The following PHAX variants were observed in gnomAD, a reference collection of about 807,000 sequenced individuals.
PHAX encodes the protein phosphorylated adaptor for RNA export, also known as phosphorylated adapter RNA export protein.
Under a neutral mutation model 41.6 loss-of-function variants are expected in PHAX, and 31 were observed. That is an observed-to-expected ratio of 0.75 (90% CI 0.56 to 1.01). PHAX has a LOEUF of 1.01. PHAX is among the 50% of genes least tolerant of loss of function. The pLI, the probability that PHAX is intolerant of heterozygous loss-of-function variation, is 0.00. For synonymous variants in PHAX, 175 were observed against 164.9 expected (o/e 1.06, Z -0.47); for missense variants, 453 against 472.9 (o/e 0.96, Z 0.39).
intron 3 of PHAX, among the ~76,000 whole-genome samples, chr5:126,608,895 C>T (rs1160439147): frequency 6.6e-6 from 1 of 151,040 alleles, no homozygotes; most frequent in African/African-American, 2.4e-5. Flanking sequence ...TGAGATCGCA[C>T]CCTTGCACTC....
chr5:126,624,004 T>G (rs1752310107), intron 4 of PHAX, among the ~76,000 whole-genome samples: 2 of 146,312 alleles, frequency 1.4e-5, no homozygotes, highest in African/African-American at 2.7e-5. Context: ...TGGTTTGGTT[T>G]TGGGTTTTTT....
In PHAX at chr5:126,624,969, T is replaced by G. The variant is rs573448495; in HGVS notation, c.*125T>G. On this transcript the variant is annotated 3_prime_UTR_variant, in exon 5 of 5. Coordinates refer to ENST00000297540, the MANE Select transcript of PHAX (RefSeq NM_032177.4). ...ATCTGGAGGAAAGACAATTGTTTTC[T>G]TGTTTAAAATATGTGTGGAAAGGAA... is the stretch of plus-strand genomic sequence containing the variant. 1.7e-3 allele frequency: 1,378 copies of G among 832,948 alleles called. 6 individuals are homozygous for G. The highest frequency in any genetic ancestry group is 2.2e-3 in the Non-Finnish European group (1,205 of 542,380). 51.6% of individuals were successfully genotyped at this position (832,948 alleles called of 1,614,324 possible). A position where few individuals can be genotyped will look rare whatever the true frequency, so the allele number is the denominator to read the frequency against.
intron 4 of PHAX, 76 bp downstream of exon 4, chr5:126,617,409 G>A (rs1048317234): frequency 1.3e-6 from 1 of 770,698 alleles, no homozygotes; most frequent in East Asian, 2.6e-5. Context: ...ATTTTCTATG[G>A]ATATGCATTA....
At chr5:126,616,880 C>CA (rs35808274) in intron 3 of PHAX, among the ~76,000 whole-genome samples, 1,224 of 91,054 alleles carry the variant, frequency 0.013, 4 homozygotes, top group East Asian at 0.018. Context: ...AACTCCATCT[C>CA]AAAAAAAAAA....
intron 3 of PHAX, among the ~76,000 whole-genome samples, chr5:126,611,650 G>A (rs1478870576): frequency 6.6e-6 from 1 of 152,002 alleles, no homozygotes; most frequent in Non-Finnish European, 1.5e-5. Flanking sequence ...TATTAGCCAG[G>A]CTTGGTGGCA....
At chr5:126,610,792 C>T (rs759156982) in intron 3 of PHAX, among the ~76,000 whole-genome samples, 4 of 151,230 alleles carry the variant, frequency 2.6e-5, no homozygotes, top group Non-Finnish European at 5.9e-5. Flanking sequence ...CTGTATCCTC[C>T]ACCTCCCAGG....
chr5:126,617,001 A>AT (rs1033159854), intron 3 of PHAX, among the ~76,000 whole-genome samples: 1 of 152,036 alleles, frequency 6.6e-6, no homozygotes, highest in Non-Finnish European at 1.5e-5. Context: ...TACCATATAG[A>AT]TTTTTTAAAT....
chr5:126,603,609 A>G lies in PHAX; in HGVS notation c.136A>G (p.Asn46Asp), dbSNP rs1399024823. ...GGDSAMRAFQ[N>D]TATACAPVSH... ...CGACAGTGCTATGAGGGCCTTCCAG[A>G]ACACGGCAACTGCATGTGCACCAGT... Residue 46 changes from asparagine to aspartate, a missense_variant, in exon 2 of 5, where the codon AAC (asparagine) becomes GAC (aspartate). Physicochemically the swap from Asn to Asp is conservative, Grantham distance 23. Transcript: ENST00000297540. 3.7e-6 allele frequency: 6 copies of G among 1,613,946 alleles called. No individual in the cohort carries two copies. Among genetic ancestry groups the G allele is most frequent in the Non-Finnish European group, 5.1e-6 (6 of 1,179,898 alleles).
rs1368036319 is a variant in PHAX at position 126,608,939 on chromosome 5, A to C, written c.831+455A>C. Among the ~76,000 whole-genome samples the C allele has an allele frequency of 3.6e-5, 5 of 137,816 alleles. No homozygotes were observed. In the East Asian group the frequency reaches 1.1e-3, roughly 29 times the overall value. 90.4% of individuals were successfully genotyped at this position (137,816 alleles called of 152,430 possible). A position where few individuals can be genotyped will look rare whatever the true frequency, so the allele number is the denominator to read the frequency against. On this transcript the variant is annotated intron_variant, in intron 3 of 4. Coordinates refer to ENST00000297540, the MANE Select transcript of PHAX (RefSeq NM_032177.4). Reference sequence around the variant, plus strand: ...GCAACAGGAGCGAAACTCCGTCTCAAAAAAAAAAAGAATAAAAAGAAAAAA... The same window carrying C: ...GCAACAGGAGCGAAACTCCGTCTCACAAAAAAAAAGAATAAAAAGAAAAAA...
At chr5:126,604,228 A>C in intron 2 of PHAX, 45 bp downstream of exon 2, 1 of 1,421,374 alleles carries the variant, frequency 7.0e-7, no homozygotes, top group Non-Finnish European at 9.4e-7. Flanking sequence ...GATGGCTTCT[A>C]TTTACAGGAA....
intron 3 of PHAX, among the ~76,000 whole-genome samples, chr5:126,612,874 G>T (rs1479056756): frequency 6.6e-6 from 1 of 152,154 alleles, no homozygotes; most frequent in African/African-American, 2.4e-5. Context: ...ACGGCCAACA[G>T]AATTTCCTAG....
intron 3 of PHAX, among the ~76,000 whole-genome samples, chr5:126,609,712 C>CA (rs11349093): frequency 0.014 from 1,834 of 135,566 alleles, 24 homozygotes; most frequent in African/African-American, 0.04. Flanking sequence ...AAAAAGAGGG[C>CA]AAAAAAAAAA....
intron 4 of PHAX, among the ~76,000 whole-genome samples, chr5:126,618,463 G>T (rs1313682543): frequency 6.6e-6 from 1 of 151,774 alleles, no homozygotes. Flanking sequence ...ACTCCTAAGA[G>T]AAATAAAAAC....
chr5:126,606,831 A>G (rs1444531733), intron 2 of PHAX, among the ~76,000 whole-genome samples: 28 of 149,318 alleles, frequency 1.9e-4, no homozygotes, highest in Admixed American at 1.8e-3. Context: ...TTTTTTTTGT[A>G]TTTTTAGTAG....
intron 2 of PHAX, among the ~76,000 whole-genome samples, chr5:126,606,104 T>A (rs1751983205): frequency 6.6e-6 from 1 of 152,206 alleles, no homozygotes; most frequent in South Asian, 2.1e-4. Flanking sequence ...TGTCATGTAG[T>A]ATGTAATCTC....
intron 4 of PHAX, among the ~76,000 whole-genome samples, chr5:126,623,893 A>G (rs544917167): frequency 1.3e-5 from 2 of 152,036 alleles, no homozygotes; most frequent in South Asian, 4.2e-4. Flanking sequence ...TGCCTACACT[A>G]GCTTCTTTTT....
Position 126,624,555 on chromosome 5 carries a change from A to C in PHAX, c.916-20A>C. ...ATAACGTGGTAGTTCTTGTTTACTAACTTTGTTCCTTTATTACAGGACATT... is the reference window on the plus strand; with the variant it reads ...ATAACGTGGTAGTTCTTGTTTACTACCTTTGTTCCTTTATTACAGGACATT... On this transcript the variant is annotated intron_variant, in intron 4 of 4. Transcript: ENST00000297540. The C allele has an allele frequency of 6.4e-7, 1 of 1,551,198 alleles. No individual in the cohort carries two copies. The highest frequency in any genetic ancestry group is 8.7e-7 in the Non-Finnish European group (1 of 1,148,302).
At position 126,600,974 on chromosome 5, in the gene PHAX, G is replaced by C. The variant is rs767934906; in HGVS notation, c.12G>C (p.Glu4Asp). 1.9e-6 allele frequency: 3 copies of C among 1,604,194 alleles called. No individual in the cohort carries two copies. The Admixed American group carries it at 5.0e-5, about 27-fold the overall frequency. Residue 4 changes from glutamate to aspartate, a missense_variant, in exon 1 of 5, where the codon GAG (glutamate) becomes GAC (aspartate). Transcript: ENST00000297540. ...CGCACCGCGGGAAGATGGCGTTGGA[G>C]GTCGGCGATATGGAAGATGGGCAGC... MAL[E>D]VGDMEDGQLS...
chr5:126,626,030 T>C lies in PHAX; in HGVS notation c.*1186T>C, dbSNP rs1752344159. On this transcript the variant is annotated 3_prime_UTR_variant, in exon 5 of 5. Coordinates refer to ENST00000297540, the MANE Select transcript of PHAX (RefSeq NM_032177.4). ...TAAATTTAACGTGTTTTTTGACTTC[T>C]TAATTAACTTGGTCATATACTAAAT... The C allele has an allele frequency of 6.6e-6, 1 of 152,202 alleles. No individual in the cohort carries two copies. Among genetic ancestry groups the C allele is most frequent in the Non-Finnish European group, 1.5e-5 (1 of 68,048 alleles). The allele number at this position is 152,202 out of a possible 1,614,324, so 9.4% of individuals were successfully genotyped here. A position where few individuals can be genotyped will look rare whatever the true frequency, so the allele number is the denominator to read the frequency against.
Sources: gnomAD v4.1 joint callset for allele counts (sites outside exome capture counted in the v4.1 genomes callset) on GRCh38, gnomAD v4.1.1 for gene constraint, MANE v1.5 for transcripts, NCBI Gene and HGNC (gene_info 2026-07-23, HGNC 2026-07-21) for gene names.